CDH4: variants seen among roughly 807,000 people sequenced by gnomAD.
CDH4 encodes cadherin-4.
CDH4 carries 33 observed loss-of-function variants against 86.0 expected under a neutral mutation model. The ratio of observed to expected loss-of-function variants is 0.38; its 90% CI spans 0.29 to 0.51. CDH4 has a LOEUF of 0.51. Ranked by LOEUF, CDH4 falls within the 20% of genes least tolerant of loss-of-function variation. The probability of loss-of-function intolerance (pLI) is 0.86; values close to 1 mark genes in which losing one functional copy is unlikely to be tolerated. For synonymous variants in CDH4, 555 were observed against 549.4 expected (o/e 1.01, Z -0.14); for missense variants, 1,114 against 1,307.4 (o/e 0.85, Z 2.28).
chr20:61,428,575 G>A (rs2085227226), intron 2 of CDH4, among the ~76,000 whole-genome samples: 1 of 152,208 alleles, frequency 6.6e-6, no homozygotes, highest in Non-Finnish European at 1.5e-5. Context: ...ATACTATGCA[G>A]TGTTCAATAA....
intron 6 of CDH4, among the ~76,000 whole-genome samples, chr20:61,853,221 G>A (rs1207552069): frequency 6.6e-6 from 1 of 152,128 alleles, no homozygotes; most frequent in Non-Finnish European, 1.5e-5. Context: ...GTGTGGGCTG[G>A]GAGCTGAAGC....
At chr20:61,662,507 G>A (rs66495003) in intron 2 of CDH4, among the ~76,000 whole-genome samples, 40,540 of 152,166 alleles carry the variant, frequency 0.27, 6,749 homozygotes, top group African/African-American at 0.48. Context: ...AATGAGACTC[G>A]GACTGAAAGG....
intron 2 of CDH4, among the ~76,000 whole-genome samples, chr20:61,615,128 TG>T (rs1258151120): frequency 4.4e-5 from 3 of 68,562 alleles, no homozygotes; most frequent in African/African-American, 6.2e-5. Flanking sequence ...TTTGTTTTTT[TG>T]GTTTTTTTTT....
rs57444563 is a variant in CDH4 at position 61,304,858 on chromosome 20, TTG to T, written c.169+49935_169+49936del. 8.6e-5 allele frequency among the ~76,000 whole-genome samples: 13 copies of T among 151,012 alleles called. 1 individual carries two copies. Among genetic ancestry groups the T allele is most frequent in the African/African-American group, 2.2e-4 (9 of 41,002 alleles). ...TTGTGTTGCGCATGCAGCACGTGTA[TTG>T]TGTGTGTGTGTGTTCGGTGCGTGTG... On this transcript the variant is annotated intron_variant, in intron 2 of 15. Transcript: ENST00000614565.
At chr20:61,338,326 G>A (rs1288717347) in intron 2 of CDH4, among the ~76,000 whole-genome samples, 2 of 152,186 alleles carry the variant, frequency 1.3e-5, no homozygotes, top group African/African-American at 4.8e-5. Context: ...CTTAAAGCCA[G>A]CAGAGGTTTT....
intron 5 of CDH4, among the ~76,000 whole-genome samples, chr20:61,849,125 A>C (rs538055288): frequency 1.3e-5 from 2 of 151,890 alleles, no homozygotes; most frequent in Non-Finnish European, 2.9e-5. Flanking sequence ...TCGTCTGCCA[A>C]ATTCTGGAAT....
chr20:61,809,698 G>A (rs1338631508), intron 4 of CDH4, among the ~76,000 whole-genome samples: 1 of 152,194 alleles, frequency 6.6e-6, no homozygotes, highest in Non-Finnish European at 1.5e-5. Context: ...TGCCAGGAGG[G>A]GTTCCGGTAG....
intron 2 of CDH4, among the ~76,000 whole-genome samples, chr20:61,255,938 A>G (rs1483508558): frequency 6.6e-6 from 1 of 152,188 alleles, no homozygotes; most frequent in East Asian, 1.9e-4. Context: ...ACCGAATCCA[A>G]GTTTTCTGAC....
intron 4 of CDH4, among the ~76,000 whole-genome samples, chr20:61,799,728 C>A (rs1226008583): frequency 6.6e-6 from 1 of 152,220 alleles, no homozygotes; most frequent in Non-Finnish European, 1.5e-5. Flanking sequence ...CTTCAAGCCC[C>A]TCCCAGGGTA....
chr20:61,810,837 A>G lies in CDH4; in HGVS notation c.577-33831A>G, dbSNP rs1980395492. Among the ~76,000 whole-genome samples, 1 of 152,200 alleles carries G rather than the reference A, an allele frequency of 6.6e-6. No homozygotes were observed. Among genetic ancestry groups the G allele is most frequent in the African/African-American group, 2.4e-5 (1 of 41,456 alleles). Reference sequence around the variant, plus strand: ...ACTTCTCCAGTCTCAGCTGCTCAACAGAGCCACTGCCCCTTGGCCCGGCTT... The same window carrying G: ...ACTTCTCCAGTCTCAGCTGCTCAACGGAGCCACTGCCCCTTGGCCCGGCTT... On this transcript the variant is annotated intron_variant, in intron 4 of 15. Coordinates refer to ENST00000614565, the MANE Select transcript of CDH4 (RefSeq NM_001794.5). The surrounding 1 kb of genome is among the most constrained non-coding windows in gnomAD (Gnocchi z 4.3).
Position 61,699,555 on chromosome 20 carries a change from A to G in CDH4, c.170-44008A>G, listed in dbSNP as rs564247256. Among the ~76,000 whole-genome samples, 9 of 152,198 alleles carry G rather than the reference A, an allele frequency of 5.9e-5. No individual in the cohort carries two copies. The East Asian group carries it at 1.4e-3, about 23-fold the overall frequency. On this transcript the variant is annotated intron_variant, in intron 2 of 15. Transcript: ENST00000614565. Reference sequence around the variant, plus strand: ...GTTGTTGTCCACTCGAGAAAGTGTTATTTTCAACAGATTGCTTCTCACACA... The same window carrying G: ...GTTGTTGTCCACTCGAGAAAGTGTTGTTTTCAACAGATTGCTTCTCACACA...
intron 2 of CDH4, among the ~76,000 whole-genome samples, chr20:61,492,291 G>A (rs1240202514): frequency 6.6e-6 from 1 of 150,514 alleles, no homozygotes; most frequent in Non-Finnish European, 1.5e-5. Context: ...TGGTGGTGTT[G>A]ATGTTGGTGT....
At chr20:61,712,223 C>G (rs981908974) in intron 2 of CDH4, among the ~76,000 whole-genome samples, 1 of 152,148 alleles carries the variant, frequency 6.6e-6, no homozygotes, top group African/African-American at 2.4e-5. Context: ...TGGACTTGAT[C>G]CGTGTGGTGG....
chr20:61,269,533 A>G lies in CDH4; in HGVS notation c.169+14596A>G, dbSNP rs1213368694. 6.6e-6 allele frequency among the ~76,000 whole-genome samples: 1 copy of G among 152,092 alleles called. No individual in the cohort carries two copies. On this transcript the variant is annotated intron_variant, in intron 2 of 15. Transcript: ENST00000614565. This position sits in a 1 kb window ranked among gnomAD's most constrained non-coding sequence, Gnocchi z 5.3. ...AGCAGGGTGATCCGTGTCCCTGTGT[A>G]TGGAGGCACCAGGCTCTGGAAACAC...
chr20:61,664,969 A>G (rs1379726457), intron 2 of CDH4, among the ~76,000 whole-genome samples: 1 of 152,224 alleles, frequency 6.6e-6, no homozygotes, highest in Non-Finnish European at 1.5e-5. Flanking sequence ...TGCCCAGAAA[A>G]TAAGTTTGAC....
At chr20:61,698,337 G>T (rs1341822969) in intron 2 of CDH4, among the ~76,000 whole-genome samples, 1 of 152,256 alleles carries the variant, frequency 6.6e-6, no homozygotes, top group Non-Finnish European at 1.5e-5. Flanking sequence ...CCTTCAAGTA[G>T]GTCTTCTAAT....
intron 2 of CDH4, among the ~76,000 whole-genome samples, chr20:61,672,139 G>A (rs2087397068): frequency 1.3e-5 from 2 of 151,488 alleles, no homozygotes; most frequent in Admixed American, 6.6e-5. Flanking sequence ...ATGGATGAAT[G>A]ATCATATGGG....
At chr20:61,682,833 T>G (rs1568753370) in intron 2 of CDH4, among the ~76,000 whole-genome samples, 2 of 152,112 alleles carry the variant, frequency 1.3e-5, no homozygotes. Flanking sequence ...TTATGGCATT[T>G]GTTATGGAAA....
chr20:61,414,646 G>C (rs1425853412), intron 2 of CDH4, among the ~76,000 whole-genome samples: 1 of 152,192 alleles, frequency 6.6e-6, no homozygotes, highest in Admixed American at 6.5e-5. Context: ...GTGGAGGGGG[G>C]CATTGCTATA....
Sources: allele counts gnomAD v4.1 joint callset (sites outside exome capture counted in the v4.1 genomes callset), GRCh38; gene constraint gnomAD v4.1.1; non-coding constraint Gnocchi (gnomAD v3.1); transcripts MANE v1.5; gene names NCBI Gene and HGNC (gene_info 2026-07-23, HGNC 2026-07-21).